Variants in PODXL observed in about 807,000 individuals in gnomAD.
PODXL encodes podocalyxin like, also known as podocalyxin.
In PODXL, 20 loss-of-function variants were observed where a neutral mutation model predicts 48.9. That is an observed-to-expected ratio of 0.41 (90% CI 0.29 to 0.59). PODXL has a LOEUF of 0.59. Among genes scored for constraint, PODXL ranks in the 20% least tolerant of loss-of-function variants. The probability of loss-of-function intolerance (pLI) is 0.31; values close to 1 mark genes in which losing one functional copy is unlikely to be tolerated. For missense variants in PODXL, 606 were observed against 675.1 expected (o/e 0.90, Z 1.13); for synonymous variants, 295 against 287.4 (o/e 1.03, Z -0.27).
intron 1 of PODXL, among the ~76,000 whole-genome samples, chr7:131,552,712 C>T (rs1798687566): frequency 6.6e-6 from 1 of 152,146 alleles, no homozygotes; most frequent in Non-Finnish European, 1.5e-5. Flanking sequence ...CCATGTCCAG[C>T]TCGCTCCTGC....
chr7:131,541,672 C>G (rs921567207), intron 1 of PODXL, among the ~76,000 whole-genome samples: 3 of 95,682 alleles, frequency 3.1e-5, no homozygotes, highest in Admixed American at 1.2e-4. Flanking sequence ...GACTCCGTCT[C>G]AAAAAAAAAA....
chr7:131,522,358 C>T (rs991275275), intron 1 of PODXL, among the ~76,000 whole-genome samples: 3 of 152,056 alleles, frequency 2.0e-5, no homozygotes, highest in South Asian at 2.1e-4. Flanking sequence ...ACAGGAGAAC[C>T]GCTTGAACCC....
chr7:131,509,129 C>G (rs1444086258), intron 4 of PODXL, 101 bp from the exon 5 acceptor site: 2 of 1,091,688 alleles, frequency 1.8e-6, no homozygotes, highest in Non-Finnish European at 1.4e-6. Flanking sequence ...GAGTTCACGG[C>G]AAGCTGGAGG....
intron 1 of PODXL, among the ~76,000 whole-genome samples, chr7:131,529,517 A>G (rs1372624164): frequency 6.6e-6 from 1 of 151,852 alleles, no homozygotes; most frequent in Middle Eastern, 3.2e-3. Context: ...GAGGCCAGGG[A>G]GGAGGTGGGA....
At chr7:131,533,631 C>T (rs1315304467) in intron 1 of PODXL, among the ~76,000 whole-genome samples, 2 of 152,196 alleles carry the variant, frequency 1.3e-5, no homozygotes, top group Non-Finnish European at 2.9e-5. Context: ...CTGGTTCACA[C>T]CACTTCTTCC....
At position 131,501,295 on chromosome 7, in the gene PODXL, T is replaced by C. The variant is rs1039088245; in HGVS notation, c.*3016A>G. The stretch of plus-strand genomic sequence containing the variant: ...TAACATAATGCTTTTTCAAAGTATG[T>C]TCACTTAAAGCAGTGCAGGGTAGGT... On this transcript the variant is annotated 3_prime_UTR_variant, in exon 9 of 9. Transcript: ENST00000378555. 2 of 152,620 alleles carry C rather than the reference T, an allele frequency of 1.3e-5. No homozygotes were observed. Among genetic ancestry groups the C allele is most frequent in the Non-Finnish European group, 2.9e-5 (2 of 68,034 alleles). The allele number at this position is 152,620 out of a possible 1,614,324, so 9.5% of individuals were successfully genotyped here.
rs144312431 is a variant in PODXL, at chr7:131,546,147, G to GTCACTGCCTGCT, written c.100+10101_100+10112dup. 2.6e-5 allele frequency among the ~76,000 whole-genome samples: 4 copies of GTCACTGCCTGCT among 152,306 alleles called. No homozygotes were observed. In the South Asian group the frequency reaches 8.3e-4, roughly 32 times the overall value. On this transcript the variant is annotated intron_variant, in intron 1 of 8. Transcript: ENST00000378555. The stretch of plus-strand genomic sequence containing the variant: ...CTGGCCATAGAAAGATCAACATCGT[G>GTCACTGCCTGCT]TCACTGCCTGCTTCACTGCCTGGCT...
At chr7:131,517,661 C>A (rs1798023238) in intron 1 of PODXL, among the ~76,000 whole-genome samples, 1 of 151,876 alleles carries the variant, frequency 6.6e-6, no homozygotes, top group Non-Finnish European at 1.5e-5. Context: ...CTGCCTCTTA[C>A]CAGCAATCCT....
intron 1 of PODXL, among the ~76,000 whole-genome samples, chr7:131,525,600 C>CAA (rs988520356): frequency 1.5e-5 from 2 of 134,170 alleles, no homozygotes; most frequent in African/African-American, 2.8e-5. Flanking sequence ...AACTCCATCT[C>CAA]AAAAAAAAAA....
intron 1 of PODXL, among the ~76,000 whole-genome samples, chr7:131,516,734 C>CTA (rs1269886281): frequency 1.5e-5 from 1 of 64,604 alleles, no homozygotes. Flanking sequence ...GCTTTTTTTT[C>CTA]TCTTTTTTTT....
chr7:131,512,384 CG>C (rs1797928108), intron 1 of PODXL, among the ~76,000 whole-genome samples: 1 of 152,018 alleles, frequency 6.6e-6, no homozygotes, highest in Admixed American at 6.6e-5. Flanking sequence ...GATGCAGAGA[CG>C]AGCGGGGAGG....
chr7:131,510,989 T>C lies in PODXL; in HGVS notation c.545A>G (p.His182Arg). The change falls in exon 2 of 9, where the codon CAC becomes CGC. Residue 182 changes from histidine to arginine, a missense_variant. By Grantham distance (29) the His-to-Arg change is conservative. Transcript: ENST00000378555. ...TCGGGGGCTAAGTGGACTTGTAGGG[T>C]GAGGGGTCGTCAGATGTTCTGCCTT... ...STKAEHLTTP[H>R]PTSPLSPRQP... 1.2e-6 allele frequency: 2 copies of C among 1,613,664 alleles called. No individual in the cohort carries two copies. Among genetic ancestry groups the C allele is most frequent in the Non-Finnish European group, 1.7e-6 (2 of 1,179,914 alleles).
At chr7:131,519,710 C>T (rs946742246) in intron 1 of PODXL, among the ~76,000 whole-genome samples, 2 of 151,904 alleles carry the variant, frequency 1.3e-5, no homozygotes, top group African/African-American at 2.4e-5. Flanking sequence ...CTGAAGCAGA[C>T]GAGACAGACA....
chr7:131,552,164 T>C (rs1221843722), intron 1 of PODXL, among the ~76,000 whole-genome samples: 1 of 152,172 alleles, frequency 6.6e-6, no homozygotes, highest in Admixed American at 6.5e-5. Flanking sequence ...TTCCCCTCAG[T>C]TCTACAGTCC....
chr7:131,544,619 G>GA (rs1296219244), intron 1 of PODXL, among the ~76,000 whole-genome samples: 1 of 151,966 alleles, frequency 6.6e-6, no homozygotes, highest in Non-Finnish European at 1.5e-5. Context: ...CAGGCCTGGG[G>GA]AGGGAGCAGC....
intron 1 of PODXL, among the ~76,000 whole-genome samples, chr7:131,536,140 CTGTTAGAAACCAAGCCA>C (rs1798370659): frequency 6.6e-6 from 1 of 152,162 alleles, no homozygotes; most frequent in Non-Finnish European, 1.5e-5. Context: ...TTGTACTAGC[CTGTTAGAAACCAAGCCA>C]CATCATGGCA....
Position 131,504,503 on chromosome 7 carries a change from C to T in PODXL, c.1485G>A (p.Arg495=). The change falls in exon 9 of 9, where the codon CGG becomes CGA. Residue 495 remains arginine (R), a synonymous_variant. Transcript: ENST00000378555. ...CCACTGTCTGCAGCTCCTCTGTTAG[C>T]CGCTGCTAGAGTGGGGAAGGTGACC... ...QRLSQRKDQQ[R]LTEELQTVEN... 1 of 1,614,082 alleles carries T rather than the reference C, an allele frequency of 6.2e-7. No homozygotes were observed.
intron 1 of PODXL, among the ~76,000 whole-genome samples, chr7:131,545,903 TA>T (rs935496284): frequency 2.0e-5 from 3 of 152,180 alleles, no homozygotes; most frequent in Non-Finnish European, 4.4e-5. Flanking sequence ...AAAAGTAAAA[TA>T]AAAAACCTCA....
rs759005242 is a variant in PODXL, at chr7:131,509,373, T to A, written c.1015A>T (p.Ser339Cys). 56 of 1,613,416 alleles carry A rather than the reference T, an allele frequency of 3.5e-5. No homozygotes were observed. In the Admixed American group the frequency reaches 9.3e-4, roughly 27 times the overall value. ...KTPSPTVAHE[S>C]NWAKCEDLET... The stretch of plus-strand genomic sequence containing the variant: ...ACCCCTGCTGGAGTTACCCAGTTAC[T>A]CTCATGAGCCACAGTGGGAGAAGGT... Residue 339 changes from serine to cysteine, a missense_variant, in exon 4 of 9, where the codon AGT (serine) becomes TGT (cysteine). Physicochemically the swap from Ser to Cys is moderately radical, Grantham distance 112 (BLOSUM62 -1). Transcript: ENST00000378555.
Sources: gnomAD v4.1 joint callset for allele counts (sites outside exome capture counted in the v4.1 genomes callset) on GRCh38, gnomAD v4.1.1 for gene constraint, MANE v1.5 for transcripts, NCBI Gene and HGNC (gene_info 2026-07-23, HGNC 2026-07-21) for gene names.